The following SORCS2 variants were observed in gnomAD, a reference collection of about 807,000 sequenced individuals.
SORCS2 encodes the protein VPS10 domain-containing receptor SorCS2.
In SORCS2, 100 loss-of-function variants were observed where a neutral mutation model predicts 141.6. The observed-to-expected ratio is 0.71, with a 90% CI of 0.60 to 0.83. The LOEUF (loss-of-function observed/expected upper bound fraction) is 0.83. SORCS2 is among the 40% of genes least tolerant of loss of function. The pLI is 0.00. For missense variants in SORCS2, 1,646 were observed against 1,560.2 expected (o/e 1.05, Z -0.93); for synonymous variants, 789 against 676.9 (o/e 1.17, Z -2.57).
At chr4:7,548,309 C>T (rs531651031) in intron 3 of SORCS2, among the ~76,000 whole-genome samples, 6 of 152,216 alleles carry the variant, frequency 3.9e-5, no homozygotes, top group East Asian at 3.9e-4. Flanking sequence ...TCCTTGGCCT[C>T]GTGGGCAGTG....
intron 2 of SORCS2, among the ~76,000 whole-genome samples, chr4:7,512,199 G>A (rs978999589): frequency 6.6e-6 from 1 of 151,938 alleles, no homozygotes; most frequent in Non-Finnish European, 1.5e-5. Context: ...TGAGAGGCTC[G>A]CACAGTCACT....
chr4:7,589,857 A>G (rs1015265785), intron 3 of SORCS2, among the ~76,000 whole-genome samples: 17 of 152,210 alleles, frequency 1.1e-4, no homozygotes, highest in Admixed American at 8.5e-4. Flanking sequence ...GGCAGAGCCA[A>G]ATTTGAACCC....
intron 1 of SORCS2, among the ~76,000 whole-genome samples, chr4:7,256,914 G>T (rs189508253): frequency 6.6e-6 from 1 of 152,220 alleles, no homozygotes; most frequent in South Asian, 2.1e-4. Flanking sequence ...GTGGGCACCG[G>T]CCCCAGCCAC....
intron 3 of SORCS2, among the ~76,000 whole-genome samples, chr4:7,591,286 C>G (rs368694118): frequency 6.6e-5 from 10 of 152,338 alleles, no homozygotes; most frequent in African/African-American, 2.2e-4. Context: ...CTCACCTCTC[C>G]CATCAGTTAT....
At chr4:7,274,732 T>G (rs1162270128) in intron 1 of SORCS2, among the ~76,000 whole-genome samples, 1 of 152,184 alleles carries the variant, frequency 6.6e-6, no homozygotes, top group Non-Finnish European at 1.5e-5. Context: ...CGAGAAGGTT[T>G]GTTTGTTCAT....
intron 10 of SORCS2, among the ~76,000 whole-genome samples, chr4:7,685,269 A>T (rs929000298): frequency 6.6e-6 from 1 of 152,164 alleles, no homozygotes; most frequent in Non-Finnish European, 1.5e-5. Flanking sequence ...ATGAAATGGG[A>T]GCAAACTGGT....
intron 3 of SORCS2, among the ~76,000 whole-genome samples, chr4:7,579,016 G>C (rs1444636528): frequency 6.6e-6 from 1 of 152,182 alleles, no homozygotes; most frequent in Non-Finnish European, 1.5e-5. Context: ...AGACTGGGAT[G>C]TGTGAATGGG....
intron 3 of SORCS2, among the ~76,000 whole-genome samples, chr4:7,545,316 C>A (rs1377894036): frequency 6.6e-6 from 1 of 152,136 alleles, no homozygotes; most frequent in African/African-American, 2.4e-5. Context: ...GCAAAGGCCC[C>A]CAGGCTCAGG....
At chr4:7,263,939 TTCAC>T (rs1340176206) in intron 1 of SORCS2, among the ~76,000 whole-genome samples, 7 of 152,182 alleles carry the variant, frequency 4.6e-5, no homozygotes, top group Admixed American at 1.3e-4. Flanking sequence ...ACTTCATTCA[TTCAC>T]TCACTCACTC....
chr4:7,674,339 G>A (rs1027190679), intron 8 of SORCS2, among the ~76,000 whole-genome samples: 2 of 151,950 alleles, frequency 1.3e-5, no homozygotes. Flanking sequence ...CAGCACTTTG[G>A]GAGGAAGGCG....
At chr4:7,682,713 T>C (rs369951951) in intron 9 of SORCS2, 30 bp from the exon 10 acceptor site, 1 of 1,588,882 alleles carries the variant, frequency 6.3e-7, no homozygotes, top group African/African-American at 1.3e-5. Context: ...CCAGTGTAAG[T>C]TTACAGTCCT....
intron 3 of SORCS2, among the ~76,000 whole-genome samples, chr4:7,615,056 C>A (rs1365628266): frequency 6.6e-6 from 1 of 152,132 alleles, no homozygotes; most frequent in Non-Finnish European, 1.5e-5. Context: ...CACCTATTCA[C>A]CCATCCACCA....
rs1474764235 is a variant in SORCS2, at chr4:7,253,905, AAG to A, written c.480+60782_480+60783del. Among the ~76,000 whole-genome samples the A allele has an allele frequency of 2.0e-5, 3 of 152,190 alleles. No individual in the cohort carries two copies. In the East Asian group the frequency reaches 5.8e-4, roughly 29 times the overall value. ...CCCAGGCAGCTTTGTTCTCCAGGGT[AAG>A]AGTTATATGAAAAAAATCTCAGCAT... On this transcript the variant is annotated intron_variant, in intron 1 of 26. Transcript: ENST00000507866.
intron 11 of SORCS2, among the ~76,000 whole-genome samples, chr4:7,695,079 A>C (rs1724511209): frequency 1.3e-5 from 2 of 151,854 alleles, no homozygotes; most frequent in Admixed American, 1.3e-4. Flanking sequence ...AGAGCTCAGC[A>C]CAGGGCTGTG....
intron 1 of SORCS2, among the ~76,000 whole-genome samples, chr4:7,251,046 G>A (rs1008033920): frequency 6.6e-6 from 1 of 152,258 alleles, no homozygotes; most frequent in African/African-American, 2.4e-5. Context: ...CTAAGACAGA[G>A]CTCTGTGGGT....
At chr4:7,206,094 T>C (rs948096484) in intron 1 of SORCS2, among the ~76,000 whole-genome samples, 1 of 151,946 alleles carries the variant, frequency 6.6e-6, no homozygotes, top group African/African-American at 2.4e-5. Flanking sequence ...AAAAACACCA[T>C]GCGAGGTAGG....
rs528445153 is a variant in SORCS2, at chr4:7,604,019, T to C, written c.649-34309T>C. On this transcript the variant is annotated intron_variant, in intron 3 of 26. Transcript: ENST00000507866. Reference sequence around the variant, plus strand: ...GTGTGACTCTGTTGTGTGTTTGTTGTGTGTTGTGTGTGACTTGTACGGTGT... The same window carrying C: ...GTGTGACTCTGTTGTGTGTTTGTTGCGTGTTGTGTGTGACTTGTACGGTGT... Among the ~76,000 whole-genome samples, 3 of 152,282 alleles carry C rather than the reference T, an allele frequency of 2.0e-5. No individual in the cohort carries two copies. In the East Asian group the frequency reaches 5.8e-4, roughly 29 times the overall value.
At chr4:7,407,324 A>G (rs1429565566) in intron 2 of SORCS2, among the ~76,000 whole-genome samples, 2 of 151,998 alleles carry the variant, frequency 1.3e-5, no homozygotes, top group Non-Finnish European at 2.9e-5. Context: ...CTCTTCCTTT[A>G]GATTTATTAA....
chr4:7,305,989 TGGCTGAGGAGTAG>T (rs1717799053), intron 1 of SORCS2, among the ~76,000 whole-genome samples: 3 of 152,222 alleles, frequency 2.0e-5, no homozygotes. Context: ...TTGAGCAGGA[TGGCTGAGGAGTAG>T]GACACATGTG....
Sources: gnomAD v4.1 joint callset for allele counts (sites outside exome capture counted in the v4.1 genomes callset) on GRCh38, gnomAD v4.1.1 for gene constraint, MANE v1.5 for transcripts, NCBI Gene and HGNC (gene_info 2026-07-23, HGNC 2026-07-21) for gene names.